The following DMD variants were observed in gnomAD, a reference collection of about 807,000 sequenced individuals.
DMD encodes dystrophin.
DMD carries 63 observed loss-of-function variants against 330.1 expected under a neutral mutation model. The observed-to-expected ratio is 0.19, with a 90% CI of 0.16 to 0.24. The LOEUF is 0.24. Among genes scored for constraint, DMD ranks in the 10% least tolerant of loss-of-function variants. DMD has a pLI of 1.00. For synonymous variants in DMD, 1,223 were observed against 959.8 expected (o/e 1.27, Z -5.07); for missense variants, 3,344 against 2,684.1 (o/e 1.25, Z -5.43).
chrX:32,034,209 G>A (rs1278049280), intron 44 of DMD, among the ~76,000 whole-genome samples: 1 of 111,345 alleles, frequency 9.0e-6, no homozygotes, highest in East Asian at 2.8e-4. Flanking sequence ...CTTTATTTCT[G>A]GCAATATAAT....
chrX:32,894,353 T>C (rs1187307455), intron 2 of DMD, among the ~76,000 whole-genome samples: 2 of 111,636 alleles, frequency 1.8e-5, no homozygotes, highest in Non-Finnish European at 3.8e-5. Flanking sequence ...GGGAATTCAG[T>C]AGTGGTGGGC....
intron 57 of DMD, among the ~76,000 whole-genome samples, chrX:31,482,238 G>A (rs886940715): frequency 6.5e-5 from 6 of 92,827 alleles, no homozygotes; most frequent in African/African-American, 2.6e-4. Flanking sequence ...TGTGTGTGTG[G>A]GGGGGGTGTT....
intron 48 of DMD, among the ~76,000 whole-genome samples, chrX:31,872,068 C>G (rs2093899716): frequency 9.3e-6 from 1 of 107,105 alleles, no homozygotes; most frequent in Non-Finnish European, 1.9e-5. Flanking sequence ...GTCATCAAAT[C>G]TATGATTTTA....
intron 2 of DMD, among the ~76,000 whole-genome samples, chrX:32,904,351 T>C (rs2086555978): frequency 9.0e-6 from 1 of 111,435 alleles, no homozygotes; most frequent in Non-Finnish European, 1.9e-5. Flanking sequence ...GGTATTTATT[T>C]GGCCCACTAA....
chrX:33,253,179 T>C (rs905393683), intron 1 of DMD, among the ~76,000 whole-genome samples: 2 of 111,998 alleles, frequency 1.8e-5, no homozygotes, highest in African/African-American at 6.4e-5. Context: ...TATGTACAAC[T>C]ATTATGTATC....
At chrX:32,446,601 G>A (rs950937427) in intron 27 of DMD, among the ~76,000 whole-genome samples, 6 of 109,916 alleles carry the variant, frequency 5.5e-5, no homozygotes, top group African/African-American at 2.0e-4. Context: ...CACAAAAACT[G>A]GGAAAATAGC....
intron 48 of DMD, among the ~76,000 whole-genome samples, chrX:31,861,566 C>T (rs746362367): frequency 5.9e-5 from 5 of 85,047 alleles, no homozygotes; most frequent in African/African-American, 2.3e-4. Context: ...ATCCTTAGAA[C>T]AGAATAGTAT....
chrX:32,686,471 G>C (rs1183564142), intron 9 of DMD, among the ~76,000 whole-genome samples: 1 of 102,113 alleles, frequency 9.8e-6, no homozygotes, highest in African/African-American at 3.6e-5. Flanking sequence ...AGGCAGGAGA[G>C]TTGCTTGAAC....
intron 11 of DMD, among the ~76,000 whole-genome samples, chrX:32,628,362 A>G (rs1004876498): frequency 1.0e-5 from 1 of 96,618 alleles, no homozygotes; most frequent in Admixed American, 1.2e-4. Flanking sequence ...TTTAATCAAC[A>G]TAACGTCCTC....
intron 2 of DMD, among the ~76,000 whole-genome samples, chrX:32,872,343 C>T (rs1174698740): frequency 1.8e-5 from 2 of 111,883 alleles, no homozygotes; most frequent in African/African-American, 3.3e-5. Flanking sequence ...CTACCTCGAA[C>T]CATCCTACCC....
chrX:32,718,992 G>A (rs987612570), intron 7 of DMD, among the ~76,000 whole-genome samples: 8 of 111,706 alleles, frequency 7.2e-5, no homozygotes, highest in African/African-American at 2.3e-4. Flanking sequence ...TCGGGGAAGA[G>A]GCTATATTCT....
intron 1 of DMD, among the ~76,000 whole-genome samples, chrX:33,088,888 G>T (rs780170658): frequency 5.8e-4 from 64 of 110,631 alleles, no homozygotes; most frequent in African/African-American, 2.0e-3. Context: ...ACACAAAAAG[G>T]TGAGTGTAAC....
chrX:31,772,029 T>C (rs1034077521), intron 51 of DMD, among the ~76,000 whole-genome samples: 1 of 112,051 alleles, frequency 8.9e-6, no homozygotes. Context: ...AATGGTAGAC[T>C]AGGCTACAGA....
At chrX:31,681,008 C>A (rs751829281) in intron 52 of DMD, among the ~76,000 whole-genome samples, 2 of 110,824 alleles carry the variant, frequency 1.8e-5, no homozygotes, top group East Asian at 5.7e-4. Context: ...TTACAAATTT[C>A]TCTCATATAT....
intron 7 of DMD, among the ~76,000 whole-genome samples, chrX:32,777,829 C>A (rs895895668): frequency 8.9e-6 from 1 of 112,336 alleles, no homozygotes; most frequent in African/African-American, 3.2e-5. Context: ...TTTTAGAAAT[C>A]CTTTTAAGTA....
chrX:32,499,040 CAG>C (rs2043783207), intron 19 of DMD, among the ~76,000 whole-genome samples: 1 of 111,789 alleles, frequency 8.9e-6, no homozygotes, highest in Admixed American at 9.6e-5. Flanking sequence ...TAGAAACGGA[CAG>C]AAATCATTTG....
chrX:31,630,886 A>G (rs1326194273), intron 54 of DMD, among the ~76,000 whole-genome samples: 2 of 112,062 alleles, frequency 1.8e-5, no homozygotes, highest in Non-Finnish European at 3.8e-5. Context: ...TTTACATAAC[A>G]AAGTTTTATA....
At chrX:32,141,475 ACAAAAC>A (rs1330289014) in intron 44 of DMD, among the ~76,000 whole-genome samples, 3 of 85,551 alleles carry the variant, frequency 3.5e-5, no homozygotes, top group Non-Finnish European at 7.9e-5. Context: ...AAAAACAAAA[ACAAAAC>A]ACGTTAATTC....
intron 44 of DMD, among the ~76,000 whole-genome samples, chrX:31,971,382 G>A (rs1003515023): frequency 3.6e-5 from 4 of 111,460 alleles, no homozygotes; most frequent in African/African-American, 1.3e-4. Flanking sequence ...TTATTATTTC[G>A]GTTTCCCAAA....
Sources: gnomAD v4.1 joint callset for allele counts (sites outside exome capture counted in the v4.1 genomes callset) on GRCh38, gnomAD v4.1.1 for gene constraint, MANE v1.5 for transcripts, NCBI Gene and HGNC (gene_info 2026-07-23, HGNC 2026-07-21) for gene names.